DDX50: variants seen among roughly 807,000 people sequenced by gnomAD.
DDX50 encodes ATP-dependent RNA helicase DDX50.
Under a neutral mutation model 94.8 loss-of-function variants are expected in DDX50, and 56 were observed. The observed-to-expected ratio is 0.59, with a 90% CI of 0.48 to 0.74. The LOEUF (loss-of-function observed/expected upper bound fraction) is 0.74. Among genes scored for constraint, DDX50 ranks in the 30% least tolerant of loss-of-function variants. DDX50 has a pLI of 0.00. For missense variants in DDX50, 713 were observed against 881.2 expected (o/e 0.81, Z 2.42); for synonymous variants, 264 against 295.4 (o/e 0.89, Z 1.09).
In DDX50 at chr10:68,929,373, C is replaced by T. The variant is rs1453807041; in HGVS notation, c.1240-4826C>T. On this transcript the variant is annotated intron_variant, in intron 8 of 14. Transcript: ENST00000373585. ...CTTCTTTCCTTCTTTCCTTCCTTTCCTTTCTTTCCTTCCTTTCCTTTCTTT... is the reference window on the plus strand; with the variant it reads ...CTTCTTTCCTTCTTTCCTTCCTTTCTTTTCTTTCCTTCCTTTCCTTTCTTT... Among the ~76,000 whole-genome samples, 15 of 145,110 alleles carry T rather than the reference C, an allele frequency of 1.0e-4. No homozygotes were observed. In the Admixed American group the frequency reaches 1.1e-3, roughly 11 times the overall value.
At chr10:68,938,269 GC>G (rs1246360144) in intron 12 of DDX50, among the ~76,000 whole-genome samples, 1 of 152,194 alleles carries the variant, frequency 6.6e-6, no homozygotes, top group African/African-American at 2.4e-5. Context: ...AGTAAGAAAT[GC>G]CTGTGTGTGT....
intron 4 of DDX50, 107 bp downstream of exon 4, chr10:68,911,353 T>C: frequency 3.2e-6 from 4 of 1,245,512 alleles, no homozygotes; most frequent in Non-Finnish European, 4.2e-6. Context: ...AAGTTAGCGC[T>C]GTGGCATAAA....
chr10:68,933,929 C>CTT (rs1277483613), intron 8 of DDX50, among the ~76,000 whole-genome samples: 1 of 149,008 alleles, frequency 6.7e-6, no homozygotes, highest in Non-Finnish European at 1.5e-5. Flanking sequence ...GAGCAAAACT[C>CTT]TGTCTAAAAA....
intron 8 of DDX50, among the ~76,000 whole-genome samples, chr10:68,931,008 A>C (rs1564613612): frequency 6.6e-6 from 1 of 152,114 alleles, no homozygotes; most frequent in Non-Finnish European, 1.5e-5. Context: ...TTCAGATCTC[A>C]GTCCAAAGCA....
At chr10:68,926,921 CT>C (rs916837153) in intron 8 of DDX50, among the ~76,000 whole-genome samples, 2 of 150,730 alleles carry the variant, frequency 1.3e-5, no homozygotes, top group African/African-American at 2.4e-5. Context: ...CCCCTGTGTT[CT>C]TTTTTTTTGA....
At chr10:68,924,275 T>A (rs969629562) in intron 8 of DDX50, among the ~76,000 whole-genome samples, 19 of 146,966 alleles carry the variant, frequency 1.3e-4, no homozygotes, top group South Asian at 8.7e-4. Flanking sequence ...TCTGCCAAAA[T>A]TTTTTTTTTT....
chr10:68,902,501 A>T (rs1482096682), intron 1 of DDX50, among the ~76,000 whole-genome samples: 1 of 152,202 alleles, frequency 6.6e-6, no homozygotes, highest in African/African-American at 2.4e-5. Context: ...ACCATTTTTA[A>T]GTATATAGCT....
intron 8 of DDX50, among the ~76,000 whole-genome samples, chr10:68,932,885 C>T (rs1269317582): frequency 6.6e-6 from 1 of 152,066 alleles, no homozygotes; most frequent in African/African-American, 2.4e-5. Context: ...AAAAGGTACA[C>T]AACTTTTTTT....
intron 8 of DDX50, among the ~76,000 whole-genome samples, chr10:68,920,309 G>A (rs1437466585): frequency 1.3e-5 from 2 of 151,734 alleles, no homozygotes; most frequent in East Asian, 1.9e-4. Flanking sequence ...CTACAGGTGC[G>A]TGCCACAATG....
At position 68,938,215 on chromosome 10, in the gene DDX50, T is replaced by C. The variant is rs184100965; in HGVS notation, c.1755+1120T>C. Among the ~76,000 whole-genome samples, 340 of 152,298 alleles carry C rather than the reference T, an allele frequency of 2.2e-3. 1 individual carries two copies. Among genetic ancestry groups the C allele is most frequent in the Middle Eastern group, 0.01 (3 of 294 alleles). ...TAAGTTTCCATGGAATCCTGCAAAG[T>C]AAGAAATAGACTCTGCACAATTAAC... is the stretch of plus-strand genomic sequence containing the variant. On this transcript the variant is annotated intron_variant, in intron 12 of 14. Coordinates refer to ENST00000373585, the MANE Select transcript of DDX50 (RefSeq NM_024045.2).
chr10:68,922,084 C>G (rs1841955488), intron 8 of DDX50, among the ~76,000 whole-genome samples: 2 of 151,984 alleles, frequency 1.3e-5, no homozygotes, highest in African/African-American at 4.8e-5. Context: ...CTTTGGTTTT[C>G]TTCTTTAAGG....
intron 14 of DDX50, among the ~76,000 whole-genome samples, chr10:68,945,975 G>T (rs552405588): frequency 3.4e-4 from 52 of 151,818 alleles, no homozygotes; most frequent in African/African-American, 1.2e-3. Context: ...GTAATACATA[G>T]TATAGTTTTA....
intron 8 of DDX50, among the ~76,000 whole-genome samples, chr10:68,929,280 CCTTCCTTCCTTCCTCT>C (rs776208684): frequency 0.088 from 8,170 of 92,672 alleles, 282 homozygotes; most frequent in Middle Eastern, 0.15. Flanking sequence ...TTCCTTCCTT[CCTTCCTTCCTTCCTCT>C]CTCTCTCTCT....
At position 68,906,632 on chromosome 10, in the gene DDX50, G is replaced by A. The variant is rs1342990409; in HGVS notation, c.88-79G>A. The A allele has an allele frequency of 1.7e-5, 25 of 1,474,700 alleles. No homozygotes were observed. In the East Asian group the frequency reaches 3.6e-4, roughly 21 times the overall value. 91.4% of individuals were successfully genotyped at this position (1,474,700 alleles called of 1,614,324 possible). On this transcript the variant is annotated intron_variant, in intron 1 of 14. Coordinates refer to ENST00000373585, the MANE Select transcript of DDX50 (RefSeq NM_024045.2). Reference sequence around the variant, plus strand: ...CTGTAGATTGAGCTGAACTGGTGGGGGAGTCATGCTCTAACTTCTCTAGAG... The same window carrying A: ...CTGTAGATTGAGCTGAACTGGTGGGAGAGTCATGCTCTAACTTCTCTAGAG...
intron 8 of DDX50, among the ~76,000 whole-genome samples, chr10:68,929,777 A>T (rs1489541351): frequency 1.6e-5 from 2 of 126,964 alleles, no homozygotes; most frequent in African/African-American, 3.1e-5. Context: ...CCCAGACTGG[A>T]GTGCAGTGGT....
At chr10:68,914,487 A>G (rs924085838) in intron 7 of DDX50, among the ~76,000 whole-genome samples, 2 of 152,202 alleles carry the variant, frequency 1.3e-5, no homozygotes, top group African/African-American at 4.8e-5. Flanking sequence ...AAGCCGCTCA[A>G]AAACAAAAAC....
At chr10:68,946,178 C>T (rs191146374) in intron 14 of DDX50, among the ~76,000 whole-genome samples, 174 bp from the exon 15 acceptor site, 2 of 152,012 alleles carry the variant, frequency 1.3e-5, no homozygotes, top group East Asian at 1.9e-4. Context: ...TTTATGATCT[C>T]GAAAATTGAA....
intron 12 of DDX50, 108 bp from the exon 13 acceptor site, chr10:68,940,952 T>C (rs1425037421): frequency 7.0e-7 from 1 of 1,424,368 alleles, no homozygotes; most frequent in Admixed American, 2.7e-5. Context: ...TGTTATACTT[T>C]TGGCTCATAA....
intron 7 of DDX50, 52 bp from the exon 8 acceptor site, chr10:68,919,780 T>C: frequency 1.3e-6 from 2 of 1,592,056 alleles, no homozygotes; most frequent in Non-Finnish European, 1.7e-6. Context: ...AAGAGAAATA[T>C]TTTAAAATAA....
Sources: gnomAD v4.1 joint callset for allele counts (sites outside exome capture counted in the v4.1 genomes callset) on GRCh38, gnomAD v4.1.1 for gene constraint, MANE v1.5 for transcripts, NCBI Gene and HGNC (gene_info 2026-07-23, HGNC 2026-07-21) for gene names.